Variants in CTNND2 observed in about 807,000 individuals in gnomAD.
CTNND2 encodes the protein catenin delta 2, also known as catenin delta-2.
Under a neutral mutation model 144.4 loss-of-function variants are expected in CTNND2, and 22 were observed. That is an observed-to-expected ratio of 0.15 (90% confidence interval 0.11 to 0.22). CTNND2 has a LOEUF of 0.22. CTNND2 is among the 10% of genes least tolerant of loss of function. The pLI is 1.00. For synonymous variants in CTNND2, 751 were observed against 695.6 expected (o/e 1.08, Z -1.25); for missense variants, 1,353 against 1,618.8 (o/e 0.84, Z 2.82).
chr5:11,501,550 A>G (rs1249522079), intron 3 of CTNND2, among the ~76,000 whole-genome samples: 3 of 152,202 alleles, frequency 2.0e-5, no homozygotes, highest in African/African-American at 4.8e-5. Context: ...GTGCAATCCA[A>G]TTCAACAAAT....
chr5:11,401,781 T>C (rs948899277), intron 5 of CTNND2, among the ~76,000 whole-genome samples: 1 of 152,178 alleles, frequency 6.6e-6, no homozygotes, highest in African/African-American at 2.4e-5. Context: ...TAAACAAAAA[T>C]AGCAGATTGG....
intron 9 of CTNND2, among the ~76,000 whole-genome samples, chr5:11,275,125 G>C (rs550074658): frequency 1.7e-4 from 26 of 152,266 alleles, no homozygotes; most frequent in African/African-American, 6.3e-4. Flanking sequence ...CAAAGTGCCA[G>C]GCACCATTAC....
chr5:11,587,940 G>T (rs907967124), intron 2 of CTNND2, among the ~76,000 whole-genome samples: 14 of 151,588 alleles, frequency 9.2e-5, no homozygotes, highest in African/African-American at 3.4e-4. Flanking sequence ...AACTACAGTG[G>T]TGGCACAGGT....
chr5:11,388,422 C>T (rs566016337), intron 6 of CTNND2, among the ~76,000 whole-genome samples: 1 of 152,296 alleles, frequency 6.6e-6, no homozygotes, highest in Admixed American at 6.5e-5. Context: ...AACTTCAGTA[C>T]ATACTTAACT....
chr5:11,587,036 G>T (rs1278720411), intron 2 of CTNND2, among the ~76,000 whole-genome samples: 1 of 152,028 alleles, frequency 6.6e-6, no homozygotes, highest in African/African-American at 2.4e-5. Context: ...TAACTTAATT[G>T]CGTTTTTAAA....
At chr5:11,086,685 G>C (rs188180791) in intron 15 of CTNND2, among the ~76,000 whole-genome samples, 1 of 152,182 alleles carries the variant, frequency 6.6e-6, no homozygotes, top group African/African-American at 2.4e-5. Context: ...GGAGAAGTCA[G>C]TATCTTTTAA....
chr5:11,353,757 T>A (rs898163319), intron 8 of CTNND2, among the ~76,000 whole-genome samples: 5 of 151,512 alleles, frequency 3.3e-5, no homozygotes, highest in African/African-American at 1.2e-4. Flanking sequence ...GATCCGAGAT[T>A]GTGCCGTCGC....
intron 7 of CTNND2, among the ~76,000 whole-genome samples, chr5:11,369,957 A>C (rs578062489): frequency 6.6e-6 from 1 of 152,356 alleles, no homozygotes; most frequent in African/African-American, 2.4e-5. Context: ...TTTTATGTGT[A>C]CTGAAACCAC....
chr5:11,667,180 A>C (rs1357909381), intron 2 of CTNND2, among the ~76,000 whole-genome samples: 1 of 152,086 alleles, frequency 6.6e-6, no homozygotes, highest in African/African-American at 2.4e-5. Context: ...TGGGCATTTG[A>C]GTCAGTTCCA....
intron 3 of CTNND2, among the ~76,000 whole-genome samples, chr5:11,537,835 T>C (rs1014621864): frequency 4.3e-4 from 65 of 152,092 alleles, no homozygotes; most frequent in Admixed American, 2.9e-3. Flanking sequence ...AAAATACCTA[T>C]TCACAAACTA....
At chr5:11,139,445 G>C (rs1756486034) in intron 12 of CTNND2, among the ~76,000 whole-genome samples, 1 of 152,194 alleles carries the variant, frequency 6.6e-6, no homozygotes, top group Non-Finnish European at 1.5e-5. Flanking sequence ...ATGAATCCCT[G>C]TCTTACTTGA....
At chr5:11,773,060 T>A (rs1790040670) in intron 1 of CTNND2, among the ~76,000 whole-genome samples, 1 of 152,240 alleles carries the variant, frequency 6.6e-6, no homozygotes, top group African/African-American at 2.4e-5. Context: ...AAGAAGCTCT[T>A]GTGCTGAACA....
At chr5:11,117,279 C>A (rs188013208) in intron 13 of CTNND2, among the ~76,000 whole-genome samples, 171 bp downstream of exon 13, 1 of 152,102 alleles carries the variant, frequency 6.6e-6, no homozygotes, top group Non-Finnish European at 1.5e-5. Flanking sequence ...TAGATCCATG[C>A]TAGAATTAGA....
intron 1 of CTNND2, among the ~76,000 whole-genome samples, chr5:11,824,403 G>C (rs1793495336): frequency 6.6e-6 from 1 of 152,204 alleles, no homozygotes. Context: ...GCAGGAGACA[G>C]CAGTGGCAGT....
At chr5:11,584,466 G>A (rs763506706) in intron 2 of CTNND2, among the ~76,000 whole-genome samples, 26 of 146,488 alleles carry the variant, frequency 1.8e-4, no homozygotes, top group Middle Eastern at 3.5e-3. Flanking sequence ...TAAAGTCACC[G>A]ACTAACTCAA....
intron 9 of CTNND2, among the ~76,000 whole-genome samples, chr5:11,316,477 A>T (rs868209344): frequency 7.6e-6 from 1 of 132,430 alleles, no homozygotes; most frequent in Non-Finnish European, 1.5e-5. Flanking sequence ...TTTTATTATT[A>T]TTATTATTAT....
intron 20 of CTNND2, among the ~76,000 whole-genome samples, chr5:10,985,552 A>G (rs1362917915): frequency 6.6e-6 from 1 of 152,228 alleles, no homozygotes; most frequent in Non-Finnish European, 1.5e-5. Context: ...CAGCCCTCAT[A>G]GGCTGCATTT....
In CTNND2 at chr5:11,341,278, C is replaced by T. The variant is rs141103061; in HGVS notation, c.1628+5094G>A. 3.4e-3 allele frequency among the ~76,000 whole-genome samples: 522 copies of T among 152,292 alleles called. 3 individuals carry two copies. The highest frequency in any genetic ancestry group is 0.012 in the African/African-American group (491 of 41,564). ...TCAGTGAAGGAACTTACAAAAGATG[C>T]AGATTTCTGTATCAATATAAACTAG... On this transcript the variant is annotated intron_variant, in intron 9 of 21. Coordinates refer to ENST00000304623, the MANE Select transcript of CTNND2 (RefSeq NM_001332.4).
At chr5:11,464,982 C>A (rs957723067) in intron 3 of CTNND2, among the ~76,000 whole-genome samples, 1 of 152,280 alleles carries the variant, frequency 6.6e-6, no homozygotes, top group African/African-American at 2.4e-5. Flanking sequence ...CCAAAATGAT[C>A]TCTCCTTGCA....
Sources: allele counts gnomAD v4.1 joint callset (sites outside exome capture counted in the v4.1 genomes callset), GRCh38; gene constraint gnomAD v4.1.1; transcripts MANE v1.5; gene names NCBI Gene and HGNC (gene_info 2026-07-23, HGNC 2026-07-21).